The following ERBB4 variants were observed in gnomAD, a reference collection of about 807,000 sequenced individuals.
ERBB4 encodes receptor tyrosine-protein kinase erbB-4.
Under a neutral mutation model 158.0 loss-of-function variants are expected in ERBB4, and 42 were observed. The observed-to-expected ratio is 0.27, with a 90% CI of 0.21 to 0.34. The LOEUF (loss-of-function observed/expected upper bound fraction) is 0.34, where lower values mean the gene tolerates loss of function less well. ERBB4 is among the 10% of genes least tolerant of loss of function. The pLI, the probability that ERBB4 is intolerant of heterozygous loss-of-function variation, is 1.00. For missense variants in ERBB4, 1,333 were observed against 1,624.1 expected (o/e 0.82, Z 3.08); for synonymous variants, 583 against 558.7 (o/e 1.04, Z -0.61).
At chr2:212,277,637 C>G (rs941124053) in intron 1 of ERBB4, among the ~76,000 whole-genome samples, 1 of 151,724 alleles carries the variant, frequency 6.6e-6, no homozygotes, top group Admixed American at 6.6e-5. Context: ...AAAGTGTCCC[C>G]TGGCCACCTC....
chr2:211,931,921 T>C (rs2080188494), intron 3 of ERBB4, among the ~76,000 whole-genome samples: 1 of 152,208 alleles, frequency 6.6e-6, no homozygotes, highest in Non-Finnish European at 1.5e-5. Flanking sequence ...CTAAACACTA[T>C]GCTAGGCAGT....
At chr2:211,550,617 A>G (rs1424531447) in intron 20 of ERBB4, among the ~76,000 whole-genome samples, 4 of 145,868 alleles carry the variant, frequency 2.7e-5, no homozygotes, top group Non-Finnish European at 6.0e-5. Context: ...ATCTATCTCT[A>G]TATATGAATA....
At chr2:211,607,888 T>TTTTTTTTTTTTTTTC (rs35895749) in intron 19 of ERBB4, among the ~76,000 whole-genome samples, 1 of 118,864 alleles carries the variant, frequency 8.4e-6, no homozygotes, top group African/African-American at 3.0e-5. Context: ...TTTTTTTTTT[T>TTTTTTTTTTTTTTTC]AGACAGGGTC....
At chr2:212,501,503 G>GA (rs1361050631) in intron 1 of ERBB4, among the ~76,000 whole-genome samples, 5 of 152,144 alleles carry the variant, frequency 3.3e-5, no homozygotes, top group Non-Finnish European at 7.4e-5. Context: ...CAACAGCAGT[G>GA]AAAGTGAGGA....
chr2:211,980,934 G>C (rs1041325171), intron 2 of ERBB4, among the ~76,000 whole-genome samples: 1 of 151,904 alleles, frequency 6.6e-6, no homozygotes, highest in Non-Finnish European at 1.5e-5. Flanking sequence ...TTTTAACCTT[G>C]GAGTACAGTG....
intron 23 of ERBB4, among the ~76,000 whole-genome samples, chr2:211,423,878 T>A (rs541019135): frequency 7.2e-5 from 11 of 152,092 alleles, no homozygotes; most frequent in African/African-American, 2.6e-4. Flanking sequence ...ATGTTAGTAA[T>A]AACATTATTG....
chr2:211,600,578 T>G (rs1239573583), intron 19 of ERBB4, among the ~76,000 whole-genome samples: 1 of 152,118 alleles, frequency 6.6e-6, no homozygotes, highest in African/African-American at 2.4e-5. Flanking sequence ...TCCTTATAAA[T>G]TGCTATTAAA....
At chr2:211,737,779 T>A (rs2074650303) in intron 5 of ERBB4, among the ~76,000 whole-genome samples, 1 of 152,186 alleles carries the variant, frequency 6.6e-6, no homozygotes, top group Non-Finnish European at 1.5e-5. Flanking sequence ...TGTTAAGTAA[T>A]CGATGAATGG....
At chr2:212,289,855 A>G (rs2086139232) in intron 1 of ERBB4, among the ~76,000 whole-genome samples, 1 of 152,162 alleles carries the variant, frequency 6.6e-6, no homozygotes, top group Non-Finnish European at 1.5e-5. Context: ...TCATCCTGAA[A>G]TCTGTCTTGA....
At chr2:211,398,526 C>A (rs1405791743) in intron 25 of ERBB4, among the ~76,000 whole-genome samples, 2 of 152,110 alleles carry the variant, frequency 1.3e-5, no homozygotes, top group Non-Finnish European at 2.9e-5. Context: ...ATCTAATACT[C>A]ATACTTCCTT....
chr2:212,139,739 T>C (rs1233409505), intron 1 of ERBB4, among the ~76,000 whole-genome samples: 1 of 151,986 alleles, frequency 6.6e-6, no homozygotes, highest in African/African-American at 2.4e-5. Flanking sequence ...AATTTCAAAC[T>C]AAATCACTTA....
intron 2 of ERBB4, among the ~76,000 whole-genome samples, chr2:212,054,393 T>C (rs1418481001): frequency 5.9e-5 from 9 of 152,110 alleles, no homozygotes; most frequent in Non-Finnish European, 8.8e-5. Flanking sequence ...TTAAGTTCTG[T>C]TTCAGAAAAC....
chr2:211,848,019 C>T (rs1216119796), intron 3 of ERBB4, among the ~76,000 whole-genome samples: 1 of 152,058 alleles, frequency 6.6e-6, no homozygotes, highest in East Asian at 1.9e-4. Context: ...GGGCTTCAAA[C>T]CCAGGCCGTC....
At chr2:212,526,647 T>A (rs1692462435) in intron 1 of ERBB4, among the ~76,000 whole-genome samples, 1 of 152,020 alleles carries the variant, frequency 6.6e-6, no homozygotes, top group Non-Finnish European at 1.5e-5. Flanking sequence ...GTTTCTTAAA[T>A]TTGTTAACAT....
intron 20 of ERBB4, among the ~76,000 whole-genome samples, chr2:211,486,382 G>A (rs1393485118): frequency 6.6e-5 from 10 of 151,986 alleles, no homozygotes; most frequent in Non-Finnish European, 1.5e-5. Flanking sequence ...TCCTTTTAGT[G>A]ACCTCATTGT....
rs934599145 is a variant in ERBB4, at chr2:212,263,930, C to A, written c.83-139027G>T. On this transcript the variant is annotated intron_variant, in intron 1 of 27. Coordinates refer to ENST00000342788, the MANE Select transcript of ERBB4 (RefSeq NM_005235.3). ...CTCAGATGCCATTGTAATTGTTAGA[C>A]CCTTTGTAATATCTATGGCTTGTCT... Among the ~76,000 whole-genome samples, 3 of 151,838 alleles carry A rather than the reference C, an allele frequency of 2.0e-5. No homozygotes were observed. In the East Asian group the frequency reaches 5.8e-4, roughly 29 times the overall value.
intron 3 of ERBB4, among the ~76,000 whole-genome samples, chr2:211,810,697 G>A (rs1245310635): frequency 3.1e-4 from 37 of 120,364 alleles, no homozygotes; most frequent in Admixed American, 6.1e-4. Flanking sequence ...ACGGAGTCTC[G>A]CTCTGTCGCC....
chr2:212,364,017 A>G (rs867488679), intron 1 of ERBB4, among the ~76,000 whole-genome samples: 9 of 151,904 alleles, frequency 5.9e-5, no homozygotes, highest in African/African-American at 1.7e-4. Context: ...GGAATGACAC[A>G]ATTCTACACA....
At chr2:212,206,589 C>CTTTTCTTTTTTTTTT (rs2082754707) in intron 1 of ERBB4, among the ~76,000 whole-genome samples, 2 of 116,450 alleles carry the variant, frequency 1.7e-5, no homozygotes, top group Admixed American at 1.6e-4. Context: ...CTGTTCTGTT[C>CTTTTCTTTTTTTTTT]TTTTTTTTTT....
Sources: allele counts gnomAD v4.1 joint callset (sites outside exome capture counted in the v4.1 genomes callset), GRCh38; gene constraint gnomAD v4.1.1; transcripts MANE v1.5; gene names NCBI Gene and HGNC (gene_info 2026-07-23, HGNC 2026-07-21).